Variants in NFIC observed in about 807,000 individuals in gnomAD.
The protein encoded by NFIC is nuclear factor I C, also known as nuclear factor 1 C-type.
In NFIC, 12 loss-of-function variants were observed where a neutral mutation model predicts 54.4. That is an observed-to-expected ratio of 0.22 (90% CI 0.14 to 0.36). The LOEUF (loss-of-function observed/expected upper bound fraction) is 0.36, where lower values mean the gene tolerates loss of function less well. Ranked by LOEUF, NFIC falls within the 10% of genes least tolerant of loss-of-function variation. The pLI, the probability that NFIC is intolerant of heterozygous loss-of-function variation, is 1.00. For missense variants in NFIC, 575 were observed against 718.2 expected, an observed-to-expected ratio of 0.80 and a Z score of 2.28; for synonymous variants, 322 against 319.2, an observed-to-expected ratio of 1.01 and a Z score of -0.09.
chr19:3,367,546 C>A (rs943986733), intron 1 of NFIC, among the ~76,000 whole-genome samples: 1 of 152,126 alleles, frequency 6.6e-6, no homozygotes, highest in African/African-American at 2.4e-5. Context: ...CGGGGCCGAG[C>A]CTTGTGCAAT....
At chr19:3,389,999 C>T (rs2081353853) in intron 2 of NFIC, among the ~76,000 whole-genome samples, 1 of 152,188 alleles carries the variant, frequency 6.6e-6, no homozygotes. Flanking sequence ...ACAAAACAAA[C>T]AAACAAAAAG....
chr19:3,403,126 TTGGCTGCAGG>T (rs2081582977), intron 2 of NFIC, among the ~76,000 whole-genome samples: 1 of 152,270 alleles, frequency 6.6e-6, no homozygotes, highest in South Asian at 2.1e-4. Context: ...TCACACTCAT[TTGGCTGCAGG>T]CATTTATTGA....
At chr19:3,381,391 G>A (rs1486900368) in intron 1 of NFIC, among the ~76,000 whole-genome samples, 3 of 77,758 alleles carry the variant, frequency 3.9e-5, no homozygotes, top group Middle Eastern at 7.0e-3. Flanking sequence ...GCAAGACTCC[G>A]TCTCAAAAAA....
rs2082661590 is a variant in NFIC, at chr19:3,462,862, T to G, written c.*93T>G. ...CCGGCCCACGTTTTCGGTGGAAAAT[T>G]AGAGTGAACAAGAACACCCCTGCCG... On this transcript the variant is annotated 3_prime_UTR_variant, in exon 11 of 11. Coordinates refer to ENST00000443272, the MANE Select transcript of NFIC (RefSeq NM_001245002.2). 3 of 1,606,656 alleles carry G rather than the reference T, an allele frequency of 1.9e-6. No individual in the cohort carries two copies. Among genetic ancestry groups the G allele is most frequent in the Non-Finnish European group, 2.5e-6 (3 of 1,178,080 alleles).
upstream of NFIC, among the ~76,000 whole-genome samples, chr19:3,364,070 T>C (rs902912782): frequency 6.6e-6 from 1 of 152,110 alleles, no homozygotes; most frequent in Non-Finnish European, 1.5e-5. Flanking sequence ...GCATTAGTTT[T>C]ATAGGTGGCA....
chr19:3,437,603 G>A (rs1373898028), intron 6 of NFIC, among the ~76,000 whole-genome samples: 2 of 138,980 alleles, frequency 1.4e-5, no homozygotes, highest in South Asian at 2.3e-4. Context: ...GCCAGTGCAC[G>A]CCAGCCTGGG....
chr19:3,464,404 C>T lies in NFIC; in HGVS notation c.*1635C>T, dbSNP rs1199410799. 2.0e-6 allele frequency: 2 copies of T among 984,638 alleles called. No homozygotes were observed. Among genetic ancestry groups the T allele is most frequent in the East Asian group, 1.1e-4 (1 of 8,786 alleles). The allele number at this position is 984,638 out of a possible 1,614,324, so 61.0% of individuals were successfully genotyped here. ...GGGGACGCCAGGTGCCCCCCCACCCCGGCTCCCTGGCCCTATCCACACCTC... is the reference window on the plus strand; with the variant it reads ...GGGGACGCCAGGTGCCCCCCCACCCTGGCTCCCTGGCCCTATCCACACCTC... On this transcript the variant is annotated 3_prime_UTR_variant, in exon 11 of 11. Transcript: ENST00000443272.
chr19:3,459,713 C>T lies in NFIC; in HGVS notation c.1510-3039C>T, dbSNP rs1444817321. 2.0e-5 allele frequency among the ~76,000 whole-genome samples: 3 copies of T among 152,318 alleles called. No homozygotes were observed. The highest frequency in any genetic ancestry group is 1.9e-4 in the East Asian group (1 of 5,182). ...GGGCTGAGGGGAGGCTGGTCCACCA[C>T]GGGGAGGGTCACGCCCAGAGTCTGT... On this transcript the variant is annotated intron_variant, in intron 10 of 10. Transcript: ENST00000443272. This position sits in a 1 kb window ranked among gnomAD's most constrained non-coding sequence, Gnocchi z 4.2.
chr19:3,434,947 CG>C, intron 5 of NFIC, 135 bp from the exon 6 acceptor site: 1 of 1,229,952 alleles, frequency 8.1e-7, no homozygotes, highest in Non-Finnish European at 1.1e-6. Context: ...TGAACGCCCG[CG>C]GCTCCCGCGA....
chr19:3,440,757 G>T (rs1014176625), intron 6 of NFIC, among the ~76,000 whole-genome samples: 8 of 152,016 alleles, frequency 5.3e-5, no homozygotes, highest in Non-Finnish European at 2.9e-5. Context: ...CTGACCTCAG[G>T]TGATCCGCCC....
rs2080995782 is a variant in NFIC, at chr19:3,370,885, C to T, written c.30+4219C>T. On this transcript the variant is annotated intron_variant, in intron 1 of 10. Transcript: ENST00000443272. The surrounding 1 kb of genome is among the most constrained non-coding windows in gnomAD (Gnocchi z 5.2). ...GTCCACGCCGACCTCACCTGGGTGC[C>T]CATCTGCCCTGAGCACACAGCGTGC... 2.6e-5 allele frequency among the ~76,000 whole-genome samples: 4 copies of T among 152,338 alleles called. No homozygotes were observed. In the South Asian group the frequency reaches 6.2e-4, roughly 24 times the overall value.
At chr19:3,424,793 G>A (rs2082002351) in intron 2 of NFIC, among the ~76,000 whole-genome samples, 1 of 152,202 alleles carries the variant, frequency 6.6e-6, no homozygotes, top group African/African-American at 2.4e-5. Context: ...AAGATTCCAG[G>A]TGTCTAAGTT....
chr19:3,463,773 G>C lies in NFIC; in HGVS notation c.*1004G>C. ...CGGACACCCAGAGCTCCCCGAGTTGGGGGTGCCCGTCTGGAGCGCCCCCGT... is the reference window on the plus strand; with the variant it reads ...CGGACACCCAGAGCTCCCCGAGTTGCGGGTGCCCGTCTGGAGCGCCCCCGT... On this transcript the variant is annotated 3_prime_UTR_variant, in exon 11 of 11. Transcript: ENST00000443272. The C allele has an allele frequency of 4.1e-6, 4 of 985,448 alleles. No homozygotes were observed. The highest frequency in any genetic ancestry group is 3.6e-6 in the Non-Finnish European group (3 of 830,020). 61.0% of individuals were successfully genotyped at this position (985,448 alleles called of 1,614,324 possible).
At chr19:3,445,140 G>T (rs2082355710) in intron 6 of NFIC, among the ~76,000 whole-genome samples, 2 of 151,196 alleles carry the variant, frequency 1.3e-5, no homozygotes, top group Non-Finnish European at 2.9e-5. Flanking sequence ...CATGCATGCA[G>T]CTGTGCACAT....
intron 1 of NFIC, among the ~76,000 whole-genome samples, chr19:3,361,264 C>T (rs986633046): frequency 3.3e-5 from 5 of 152,276 alleles, no homozygotes; most frequent in African/African-American, 9.6e-5. Context: ...GGGGTTCCCC[C>T]TCCCTGAGAG....
intron 1 of NFIC, 37 bp from the exon 2 acceptor site, chr19:3,381,675 C>T: frequency 6.2e-7 from 1 of 1,605,052 alleles, no homozygotes; most frequent in Non-Finnish European, 8.5e-7. Flanking sequence ...CCTCTGCGTC[C>T]CTGGCGCTCC....
intron 9 of NFIC, 99 bp downstream of exon 9, chr19:3,454,015 C>G (rs1475784384): frequency 1.4e-6 from 2 of 1,398,960 alleles, no homozygotes; most frequent in African/African-American, 3.0e-5. Context: ...AGGCCCGACC[C>G]TGCAGGGCCT....
In NFIC at chr19:3,447,021, G is replaced by A. The variant is rs1290297009; in HGVS notation, c.959-1993G>A. Among the ~76,000 whole-genome samples, 4 of 150,838 alleles carry A rather than the reference G, an allele frequency of 2.7e-5. No individual in the cohort carries two copies. In the East Asian group the frequency reaches 7.9e-4, roughly 30 times the overall value. On this transcript the variant is annotated intron_variant, in intron 6 of 10. Transcript: ENST00000443272. ...AGCCTGGGTGACAAATAACTCGGCT[G>A]GGTGCAGTGGCTCACGCCTATAATC...
chr19:3,461,542 G>A (rs2082639008), intron 10 of NFIC, among the ~76,000 whole-genome samples: 1 of 151,738 alleles, frequency 6.6e-6, no homozygotes, highest in African/African-American at 2.4e-5. Flanking sequence ...GGCCAACATG[G>A]CGAAACCCGG....
Sources: gnomAD v4.1 joint callset for allele counts (sites outside exome capture counted in the v4.1 genomes callset) on GRCh38, gnomAD v4.1.1 for gene constraint, Gnocchi (gnomAD v3.1) non-coding constraint, MANE v1.5 for transcripts, NCBI Gene and HGNC (gene_info 2026-07-23, HGNC 2026-07-21) for gene names.